Variants in CHST15 observed in about 807,000 individuals in gnomAD.
CHST15 encodes the protein B cell RAG associated protein (GALNAC4S-6ST).
A neutral mutation model predicts 53.6 loss-of-function variants in CHST15; 30 were observed. The observed-to-expected ratio is 0.56, with a 90% CI of 0.42 to 0.76. The LOEUF (loss-of-function observed/expected upper bound fraction) is 0.76, where lower values mean the gene tolerates loss of function less well. Ranked by LOEUF, CHST15 falls within the 30% of genes least tolerant of loss-of-function variation. The pLI, the probability that CHST15 is intolerant of heterozygous loss-of-function variation, is 0.00. For missense variants in CHST15, 627 were observed against 740.5 expected (o/e 0.85, Z 1.78); for synonymous variants, 296 against 289.8 (o/e 1.02, Z -0.22).
chr10:124,067,229 C>T (rs577804353), intron 1 of CHST15, among the ~76,000 whole-genome samples: 36 of 152,364 alleles, frequency 2.4e-4, no homozygotes, highest in African/African-American at 8.2e-4. Context: ...TATTTATCGT[C>T]CATGGATATT....
At chr10:124,077,844 A>AG (rs1949125758) in intron 1 of CHST15, among the ~76,000 whole-genome samples, 1 of 152,238 alleles carries the variant, frequency 6.6e-6, no homozygotes, top group Non-Finnish European at 1.5e-5. Context: ...TTGAGCACAG[A>AG]GGGAGGCAGG....
chr10:124,018,946 T>C (rs979504839), intron 6 of CHST15, among the ~76,000 whole-genome samples: 8 of 152,164 alleles, frequency 5.3e-5, no homozygotes, highest in Non-Finnish European at 1.0e-4. Context: ...GGTAGGATGA[T>C]GGGGAAACCC....
intron 1 of CHST15, among the ~76,000 whole-genome samples, chr10:124,089,993 T>C (rs979128868): frequency 3.3e-5 from 5 of 152,172 alleles, no homozygotes; most frequent in Admixed American, 6.5e-5. Flanking sequence ...CACGAGTACA[T>C]GAAGGAGCTC....
At position 124,010,356 on chromosome 10, in the gene CHST15, C is replaced by T. The variant is rs188930451; in HGVS notation, c.1496-17G>A. ...TTAAGGGCCCTAGAATAAAAGAAGA[C>T]GAGTCCCGTAAGGCAGGAGGCATGG... is the stretch of plus-strand genomic sequence containing the variant. On this transcript the variant is annotated splice_polypyrimidine_tract_variant and intron_variant, in intron 7 of 7. Coordinates refer to ENST00000435907, the MANE Select transcript of CHST15 (RefSeq NM_001270764.2). 6.4e-6 allele frequency: 10 copies of T among 1,553,036 alleles called. No homozygotes were observed. The highest frequency in any genetic ancestry group is 2.4e-5 in the South Asian group (2 of 82,994).
chr10:124,044,702 T>A lies in CHST15; in HGVS notation c.764A>T (p.His255Leu). ...GKHFRLRCLP[H>L]FYIIGQPKCG... ...CTTGGGCTGCCCTATGATGTAGAAG[T>A]GCGGCAGGCAGCGCAGGCGGAAGTG... Residue 255 changes from histidine to leucine, a missense_variant, in exon 3 of 8, where the codon CAC (histidine) becomes CTC (leucine). Around this residue, in one of 3 missense-constraint regions of CHST15, gnomAD observed 161 missense variants for 117.2 expected, o/e 1.37. Coordinates refer to ENST00000435907, the MANE Select transcript of CHST15 (RefSeq NM_001270764.2). The A allele has an allele frequency of 6.2e-7, 1 of 1,613,746 alleles. No homozygotes were observed. The highest frequency in any genetic ancestry group is 1.1e-5 in the South Asian group (1 of 91,060).
chr10:124,047,954 CCTCA>C (rs1344704885), intron 1 of CHST15, among the ~76,000 whole-genome samples: 1 of 152,194 alleles, frequency 6.6e-6, no homozygotes, highest in African/African-American at 2.4e-5. Context: ...CTCAAACAAC[CCTCA>C]CTGTCTCCAT....
intron 5 of CHST15, among the ~76,000 whole-genome samples, chr10:124,025,550 A>G (rs1237602024): frequency 1.3e-5 from 2 of 152,172 alleles, no homozygotes; most frequent in Non-Finnish European, 2.9e-5. Context: ...CTGAACAGGG[A>G]CTAGATTCAC....
At position 124,007,970 on chromosome 10, in the gene CHST15, C is replaced by T. The variant is rs1024151800; in HGVS notation, c.*2179G>A. 5.1e-6 allele frequency: 6 copies of T among 1,176,650 alleles called. No homozygotes were observed. The highest frequency in any genetic ancestry group is 4.4e-5 in the African/African-American group (2 of 45,020). The allele number at this position is 1,176,650 out of a possible 1,614,324, so 72.9% of individuals were successfully genotyped here. A position where few individuals can be genotyped will look rare whatever the true frequency, so the allele number is the denominator to read the frequency against. Reference sequence around the variant, plus strand: ...TCGAATGAGAGGAAGCAGAGGCAGCCGAAGTGCCCTCTGGAGAGAAAGGCC... The same window carrying T: ...TCGAATGAGAGGAAGCAGAGGCAGCTGAAGTGCCCTCTGGAGAGAAAGGCC... On this transcript the variant is annotated 3_prime_UTR_variant, in exon 8 of 8. Transcript: ENST00000435907.
In CHST15 at chr10:124,045,894, T is replaced by A. The variant is rs559602000; in HGVS notation, c.319A>T (p.Ile107Phe). The change falls in exon 2 of 8, where the codon ATC becomes TTC. Residue 107 changes from isoleucine to phenylalanine, a missense_variant. This residue lies in a region of CHST15 where 187 missense variants were observed against 251.8 expected (regional missense o/e 0.74). Coordinates refer to ENST00000435907, the MANE Select transcript of CHST15 (RefSeq NM_001270764.2). Reference protein sequence around the residue: ...ILSGAHQELLISSPFHYGGFP... With the variant: ...ILSGAHQELLFSSPFHYGGFP... ...CCTCCGTAATGGAAAGGTGATGAGA[T>A]CAGAAGCTCTTGGTGGGCCCCAGAA... The A allele has an allele frequency of 2.1e-5, 34 of 1,613,972 alleles. No individual in the cohort carries two copies. The South Asian group carries it at 3.5e-4, about 17-fold the overall frequency.
At chr10:124,078,852 G>A (rs2134200978) in intron 1 of CHST15, among the ~76,000 whole-genome samples, 1 of 152,310 alleles carries the variant, frequency 6.6e-6, no homozygotes, top group South Asian at 2.1e-4. Flanking sequence ...TCATGTCTGA[G>A]GGTTGCATAA....
At chr10:124,067,231 A>G (rs1948775917) in intron 1 of CHST15, among the ~76,000 whole-genome samples, 1 of 152,262 alleles carries the variant, frequency 6.6e-6, no homozygotes, top group Non-Finnish European at 1.5e-5. Context: ...TTTATCGTCC[A>G]TGGATATTTT....
intron 1 of CHST15, among the ~76,000 whole-genome samples, chr10:124,052,036 A>AG (rs1169727298): frequency 6.6e-6 from 1 of 152,228 alleles, no homozygotes; most frequent in African/African-American, 2.4e-5. Context: ...GGGGACAGAG[A>AG]GGGAAAAAAA....
chr10:124,053,134 A>C (rs1163561652), intron 1 of CHST15, among the ~76,000 whole-genome samples: 4 of 152,146 alleles, frequency 2.6e-5, no homozygotes, highest in African/African-American at 9.7e-5. Flanking sequence ...GTCATTTATT[A>C]CTCTTTACCA....
rs1338886526 is a variant in CHST15, at chr10:124,024,736, C to A, written c.1191-3324G>T. Among the ~76,000 whole-genome samples, 2 of 152,184 alleles carry A rather than the reference C, an allele frequency of 1.3e-5. No homozygotes were observed. Among genetic ancestry groups the A allele is most frequent in the Non-Finnish European group, 2.9e-5 (2 of 68,038 alleles). On this transcript the variant is annotated intron_variant, in intron 5 of 7. Coordinates refer to ENST00000435907, the MANE Select transcript of CHST15 (RefSeq NM_001270764.2). This position sits in a 1 kb window ranked among gnomAD's most constrained non-coding sequence, Gnocchi z 4.0. ...GGTTACTATGACCTAAATGGCTGGT[C>A]AATAAGTGCCAAAATCAGACACGCG...
At chr10:124,080,117 G>T (rs751961356) in intron 1 of CHST15, among the ~76,000 whole-genome samples, 2 of 152,224 alleles carry the variant, frequency 1.3e-5, no homozygotes, top group African/African-American at 2.4e-5. Context: ...TGCAGCAGCT[G>T]CAGGCCAGCG....
rs543605056 is a variant in CHST15, at chr10:124,027,972, G to C, written c.1191-6560C>G. Reference sequence around the variant, plus strand: ...ATAGTTTTCGGGTTTTGTTTGTTTAGGTGTTTTTATTATTTTAGGTGCACG... The same window carrying C: ...ATAGTTTTCGGGTTTTGTTTGTTTACGTGTTTTTATTATTTTAGGTGCACG... On this transcript the variant is annotated intron_variant, in intron 5 of 7. Coordinates refer to ENST00000435907, the MANE Select transcript of CHST15 (RefSeq NM_001270764.2). Among the ~76,000 whole-genome samples the C allele has an allele frequency of 6.6e-4, 101 of 152,280 alleles. 1 individual carries two copies. Among genetic ancestry groups the C allele is most frequent in the African/African-American group, 2.2e-3 (92 of 41,544 alleles).
chr10:124,033,374 T>C (rs1777737679), intron 5 of CHST15, among the ~76,000 whole-genome samples: 3 of 152,232 alleles, frequency 2.0e-5, no homozygotes, highest in African/African-American at 7.2e-5. Flanking sequence ...TGGAAGCTAC[T>C]CTCCCGGCTG....
At chr10:124,063,010 T>A (rs4387295) in intron 1 of CHST15, among the ~76,000 whole-genome samples, 157 of 151,834 alleles carry the variant, frequency 1.0e-3, no homozygotes, top group African/African-American at 3.5e-3. Flanking sequence ...TCCACCCTGA[T>A]GTGGCCATGA....
Position 124,018,749 on chromosome 10 carries a change from C to T in CHST15, c.1347+2507G>A, listed in dbSNP as rs377282949. Among the ~76,000 whole-genome samples the T allele has an allele frequency of 9.2e-5, 14 of 152,144 alleles. No individual in the cohort carries two copies. The South Asian group carries it at 2.3e-3, about 25-fold the overall frequency. Reference sequence around the variant, plus strand: ...CATCTTAGAAAGATGCCTGGTGCAACGGATCAAGGTGAGAAGGGGTCTGGG... The same window carrying T: ...CATCTTAGAAAGATGCCTGGTGCAATGGATCAAGGTGAGAAGGGGTCTGGG... On this transcript the variant is annotated intron_variant, in intron 6 of 7. Coordinates refer to ENST00000435907, the MANE Select transcript of CHST15 (RefSeq NM_001270764.2).
Sources: allele counts gnomAD v4.1 joint callset (sites outside exome capture counted in the v4.1 genomes callset), GRCh38; gene constraint gnomAD v4.1.1; regional missense constraint gnomAD v4.1.1; non-coding constraint Gnocchi (gnomAD v3.1); transcripts MANE v1.5; gene names NCBI Gene and HGNC (gene_info 2026-07-23, HGNC 2026-07-21).